The following LRRTM3 variants were observed in gnomAD, a reference collection of about 807,000 sequenced individuals.
The protein encoded by LRRTM3 is leucine rich repeat transmembrane neuronal 3.
Under a neutral mutation model 44.7 loss-of-function variants are expected in LRRTM3, and 24 were observed. That is an observed-to-expected ratio of 0.54 (90% CI 0.39 to 0.76). The LOEUF (loss-of-function observed/expected upper bound fraction) is 0.76, where lower values mean the gene tolerates loss of function less well. Among genes scored for constraint, LRRTM3 ranks in the 30% least tolerant of loss-of-function variants. The probability of loss-of-function intolerance (pLI) is 0.00; values close to 1 mark genes in which losing one functional copy is unlikely to be tolerated. For synonymous variants in LRRTM3, 277 were observed against 278.7 expected (o/e 0.99, Z 0.06); for missense variants, 587 against 702.2 (o/e 0.84, Z 1.85).
intron 2 of LRRTM3, among the ~76,000 whole-genome samples, chr10:66,985,764 T>C (rs1383911983): frequency 1.3e-5 from 2 of 152,186 alleles, no homozygotes; most frequent in Non-Finnish European, 2.9e-5. Context: ...AGTCTCACTC[T>C]ATCACCATGC....
chr10:66,937,690 C>A (rs1847784448), intron 2 of LRRTM3, among the ~76,000 whole-genome samples: 1 of 152,076 alleles, frequency 6.6e-6, no homozygotes, highest in Non-Finnish European at 1.5e-5. Flanking sequence ...ATTGCCCTAC[C>A]CTTTCCCATG....
intron 2 of LRRTM3, among the ~76,000 whole-genome samples, chr10:66,985,869 A>G (rs539329042): frequency 5.8e-4 from 88 of 152,124 alleles, no homozygotes; most frequent in African/African-American, 2.1e-3. Context: ...CTGGGATTAC[A>G]GGTGCTCGCC....
At chr10:66,928,850 C>A (rs1589438125) in intron 2 of LRRTM3, among the ~76,000 whole-genome samples, 1 of 152,116 alleles carries the variant, frequency 6.6e-6, no homozygotes, top group East Asian at 1.9e-4. Context: ...ACCTCACTGG[C>A]AAATCAAGGA....
rs189993526 is a variant in LRRTM3, at chr10:66,934,059, C to T, written c.1536+5607C>T. Among the ~76,000 whole-genome samples, 15 of 151,936 alleles carry T rather than the reference C, an allele frequency of 9.9e-5. No homozygotes were observed. In the East Asian group the frequency reaches 2.7e-3, roughly 27 times the overall value. ...GATCCTGAACACGTGAGGAAAATTC[C>T]AGGAACACAGAGAGAACAGGAATAT... On this transcript the variant is annotated intron_variant, in intron 2 of 2. Transcript: ENST00000361320.
intron 2 of LRRTM3, among the ~76,000 whole-genome samples, chr10:66,952,410 T>C (rs1022800212): frequency 2.6e-5 from 4 of 152,158 alleles, no homozygotes; most frequent in African/African-American, 9.7e-5. Context: ...AACGCATCTG[T>C]AGCAGCCAGA....
chr10:67,005,682 C>CTTTTTTTTTTTTTTTTTTGTTTTTTT (rs1851929030), intron 2 of LRRTM3, among the ~76,000 whole-genome samples: 1 of 61,976 alleles, frequency 1.6e-5, no homozygotes, highest in Non-Finnish European at 2.9e-5. Flanking sequence ...TTTACTCCAT[C>CTTTTTTTTTTTTTTTTTTGTTTTTTT]TTTTTTTTTT....
chr10:66,965,792 G>A (rs1286243709), intron 2 of LRRTM3, among the ~76,000 whole-genome samples: 1 of 152,056 alleles, frequency 6.6e-6, no homozygotes, highest in African/African-American at 2.4e-5. Context: ...ATATAGGAGG[G>A]TAGAACAGTA....
At chr10:67,034,068 G>A (rs1409688363) in intron 2 of LRRTM3, among the ~76,000 whole-genome samples, 1 of 152,124 alleles carries the variant, frequency 6.6e-6, no homozygotes, top group African/African-American at 2.4e-5. Flanking sequence ...CACCGCGCCC[G>A]GCCTATACTG....
intron 2 of LRRTM3, among the ~76,000 whole-genome samples, chr10:67,089,022 T>G (rs1008171552): frequency 2.0e-5 from 3 of 152,066 alleles, no homozygotes; most frequent in African/African-American, 7.2e-5. Context: ...TTATGAGTAA[T>G]CTACAGGTGA....
At chr10:67,011,532 A>T (rs1424582896) in intron 2 of LRRTM3, among the ~76,000 whole-genome samples, 1 of 152,130 alleles carries the variant, frequency 6.6e-6, no homozygotes, top group Non-Finnish European at 1.5e-5. Flanking sequence ...TACTGTCAAT[A>T]TTTATGGAAA....
intron 2 of LRRTM3, among the ~76,000 whole-genome samples, chr10:66,944,163 A>C (rs1184783707): frequency 6.6e-6 from 1 of 152,242 alleles, no homozygotes; most frequent in Non-Finnish European, 1.5e-5. Flanking sequence ...AATTGAAGTC[A>C]ATCCTCTCAA....
chr10:67,060,386 G>A (rs1468147052), intron 2 of LRRTM3, among the ~76,000 whole-genome samples: 2 of 152,088 alleles, frequency 1.3e-5, no homozygotes, highest in Non-Finnish European at 2.9e-5. Flanking sequence ...GAAGACAAGC[G>A]TATATGAAAG....
At chr10:67,065,377 T>A (rs1856013156) in intron 2 of LRRTM3, among the ~76,000 whole-genome samples, 1 of 152,178 alleles carries the variant, frequency 6.6e-6, no homozygotes, top group Admixed American at 6.5e-5. Context: ...TTATAATTAA[T>A]AAAGGTATAA....
chr10:66,978,759 T>C (rs941792637), intron 2 of LRRTM3, among the ~76,000 whole-genome samples: 11 of 141,762 alleles, frequency 7.8e-5, no homozygotes, highest in African/African-American at 2.7e-4. Context: ...AAAGGATTTT[T>C]ATTTAATTAA....
intron 2 of LRRTM3, among the ~76,000 whole-genome samples, chr10:66,999,531 C>G (rs996702250): frequency 3.3e-5 from 5 of 152,126 alleles, no homozygotes; most frequent in Non-Finnish European, 5.9e-5. Context: ...TCACTATTGT[C>G]TCTCTTTTCT....
intron 2 of LRRTM3, among the ~76,000 whole-genome samples, chr10:67,095,357 A>T (rs1411514129): frequency 6.6e-6 from 1 of 151,858 alleles, no homozygotes; most frequent in Admixed American, 6.6e-5. Context: ...ATGTGGATTT[A>T]TATTTAAACA....
chr10:66,953,267 T>C (rs1279382171), intron 2 of LRRTM3, among the ~76,000 whole-genome samples: 2 of 152,288 alleles, frequency 1.3e-5, no homozygotes, highest in East Asian at 3.9e-4. Flanking sequence ...AAAGTAATTC[T>C]TATGAAGAAG....
At chr10:67,013,698 G>A (rs1490519123) in intron 2 of LRRTM3, among the ~76,000 whole-genome samples, 4 of 152,168 alleles carry the variant, frequency 2.6e-5, no homozygotes, top group South Asian at 4.1e-4. Flanking sequence ...GAAGGTAATA[G>A]GCAGGTAAAG....
chr10:67,082,151 G>C (rs1445594361), intron 2 of LRRTM3, among the ~76,000 whole-genome samples: 3 of 152,080 alleles, frequency 2.0e-5, no homozygotes, highest in Non-Finnish European at 2.9e-5. Context: ...TTAAAAAACA[G>C]AGAATTTTTA....
Sources: gnomAD v4.1 joint callset for allele counts (sites outside exome capture counted in the v4.1 genomes callset) on GRCh38, gnomAD v4.1.1 for gene constraint, MANE v1.5 for transcripts, NCBI Gene and HGNC (gene_info 2026-07-23, HGNC 2026-07-21) for gene names.